Variants in RGS3 observed in about 807,000 individuals in gnomAD.
The protein encoded by RGS3 is regulator of G protein signaling 3, also known as regulator of G-protein signalling 3.
RGS3 carries 80 observed loss-of-function variants against 132.6 expected under a neutral mutation model. The ratio of observed to expected loss-of-function variants is 0.60; its 90% CI spans 0.50 to 0.73. The LOEUF (loss-of-function observed/expected upper bound fraction) is 0.73, where lower values mean the gene tolerates loss of function less well. Ranked by LOEUF, RGS3 falls within the 30% of genes least tolerant of loss-of-function variation. The probability of loss-of-function intolerance (pLI) is 0.00; values close to 1 mark genes in which losing one functional copy is unlikely to be tolerated. For missense variants in RGS3, 1,382 were observed against 1,530.8 expected (o/e 0.90, Z 1.62); for synonymous variants, 598 against 620.6 (o/e 0.96, Z 0.54).
At chr9:113,583,819 A>G in exon 20 of RGS3, 1 of 1,613,942 alleles carries the variant, frequency 6.2e-7, no homozygotes, top group Admixed American at 1.7e-5. Context: ...CCTCCCTGCC[A>G]TCCAGGAATC....
chr9:113,536,191 C>T (rs963052192), intron 18 of RGS3, among the ~76,000 whole-genome samples: 2 of 152,296 alleles, frequency 1.3e-5, no homozygotes, highest in Admixed American at 1.3e-4. Flanking sequence ...GTGAGCTGAA[C>T]AGTCACAGAT....
chr9:113,534,371 T>G (rs538181600), intron 18 of RGS3, among the ~76,000 whole-genome samples: 20 of 152,280 alleles, frequency 1.3e-4, no homozygotes, highest in African/African-American at 4.8e-4. Flanking sequence ...TCCCTCAGTA[T>G]CCACCAAGGA....
At chr9:113,470,203 A>G (rs1000281669) in intron 3 of RGS3, among the ~76,000 whole-genome samples, 2 of 152,128 alleles carry the variant, frequency 1.3e-5, no homozygotes, top group Non-Finnish European at 2.9e-5. Context: ...TTCTTTGTGT[A>G]TTTGAAAAGG....
chr9:113,577,684 C>T (rs566745667), intron 19 of RGS3, among the ~76,000 whole-genome samples: 19 of 152,282 alleles, frequency 1.2e-4, no homozygotes, highest in African/African-American at 3.1e-4. Flanking sequence ...CTTCCTGGCC[C>T]GGGGCTTTGG....
At chr9:113,495,638 A>G in intron 7 of RGS3, 148 bp from the exon 6 acceptor site, 1 of 702,312 alleles carries the variant, frequency 1.4e-6, no homozygotes, top group Non-Finnish European at 2.6e-6. Context: ...ATCCTGCCTC[A>G]CAGAGTCAGA....
intron 19 of RGS3, among the ~76,000 whole-genome samples, chr9:113,559,169 CT>C (rs1200701443): frequency 6.6e-6 from 1 of 152,248 alleles, no homozygotes; most frequent in African/African-American, 2.4e-5. Flanking sequence ...CAGGCCTGGC[CT>C]CCCCGTAGCT....
At chr9:113,509,550 C>T (rs1199431076) in intron 14 of RGS3, among the ~76,000 whole-genome samples, 36 of 152,168 alleles carry the variant, frequency 2.4e-4, no homozygotes, top group Non-Finnish European at 1.5e-5. Flanking sequence ...TTTCTTCTCC[C>T]AGGAAGGCTG....
chr9:113,460,107 T>C, upstream of RGS3: 1 of 493,708 alleles, frequency 2.0e-6, no homozygotes, highest in Non-Finnish European at 2.8e-6. Flanking sequence ...ATTTCTGGTT[T>C]TCTGTATACA....
At chr9:113,469,235 C>G (rs1829748759) in intron 3 of RGS3, among the ~76,000 whole-genome samples, 1 of 152,058 alleles carries the variant, frequency 6.6e-6, no homozygotes. Flanking sequence ...CGGTCAGGCC[C>G]TGAACTGGAG....
chr9:113,550,858 T>C, intron 19 of RGS3, among the ~76,000 whole-genome samples: 2 of 152,342 alleles, frequency 1.3e-5, no homozygotes, highest in East Asian at 3.9e-4. Context: ...GAGCTCTTTA[T>C]ATAATAAGGA....
intron 18 of RGS3, among the ~76,000 whole-genome samples, chr9:113,535,793 G>A (rs1258331602): frequency 6.6e-6 from 1 of 152,140 alleles, no homozygotes; most frequent in Non-Finnish European, 1.5e-5. Context: ...GCCCTTTGGG[G>A]TTATAATCAA....
At chr9:113,573,784 C>A (rs1366853024) in intron 19 of RGS3, among the ~76,000 whole-genome samples, 1 of 152,128 alleles carries the variant, frequency 6.6e-6, no homozygotes, top group East Asian at 1.9e-4. Flanking sequence ...CCGAGCGGGG[C>A]CCCTGCGTCT....
intron 3 of RGS3, chr9:113,478,761 A>G (rs1830070130): frequency 6.6e-6 from 1 of 152,274 alleles, no homozygotes; most frequent in South Asian, 2.1e-4. Flanking sequence ...GTAGTGAGCT[A>G]TGATTGCACG....
At chr9:113,457,739 C>T (rs545889904), upstream of RGS3, among the ~76,000 whole-genome samples, 1 of 152,324 alleles carries the variant, frequency 6.6e-6, no homozygotes, top group South Asian at 2.1e-4. Flanking sequence ...TATATAAATA[C>T]AAATGCTTGA....
At chr9:113,458,861 C>G (rs1010138339), upstream of RGS3, among the ~76,000 whole-genome samples, 1 of 152,206 alleles carries the variant, frequency 6.6e-6, no homozygotes, top group African/African-American at 2.4e-5. Flanking sequence ...AAGTGATTCT[C>G]ATGCCTCAGT....
intron 3 of RGS3, chr9:113,478,827 C>CAA (rs1314020783): frequency 6.6e-6 from 1 of 152,488 alleles, no homozygotes; most frequent in Non-Finnish European, 1.5e-5. Context: ...CAAAACAAAA[C>CAA]AAAACAAAAA....
At position 113,591,130 on chromosome 9, in the gene RGS3, C is replaced by T. The variant is rs1476497413; in HGVS notation, c.3016-203C>T. 6.6e-6 allele frequency among the ~76,000 whole-genome samples: 1 copy of T among 152,166 alleles called. No individual in the cohort carries two copies. Among genetic ancestry groups the T allele is most frequent in the Non-Finnish European group, 1.5e-5 (1 of 68,032 alleles). The stretch of plus-strand genomic sequence containing the variant: ...TGTCCCAGGAGGAGATCCCTGTGGC[C>T]GGAGAGTCTGCCAGGCCGATTCCAC... On this transcript the variant is annotated intron_variant, in intron 20 of 24. Transcript: ENST00000350696. This position sits in a 1 kb window ranked among gnomAD's most constrained non-coding sequence, Gnocchi z 4.4.
chr9:113,460,242 C>T, upstream of RGS3: 1 of 1,189,220 alleles, frequency 8.4e-7, no homozygotes, highest in Non-Finnish European at 1.1e-6. Flanking sequence ...TTCTCCTGGC[C>T]AGGCGCAGTG....
At position 113,483,193 on chromosome 9, in the gene RGS3, A is replaced by G. The variant is rs549585971; in HGVS notation, c.525+76A>G. 8 of 1,018,290 alleles carry G rather than the reference A, an allele frequency of 7.9e-6. No homozygotes were observed. The African/African-American group carries it at 1.3e-4, about 16-fold the overall frequency. The allele number at this position is 1,018,290 out of a possible 1,614,324, so 63.1% of individuals were successfully genotyped here. A position where few individuals can be genotyped will look rare whatever the true frequency, so the allele number is the denominator to read the frequency against. On this transcript the variant is annotated intron_variant, in intron 5 of 24. Coordinates refer to ENST00000350696, the Ensembl canonical transcript of RGS3. ...CTGGGCTCAGTCCCAAGGTCCCAGC[A>G]CACCTGTGGGGCTGGTGACCTTTGA...
Sources: allele counts gnomAD v4.1 joint callset (sites outside exome capture counted in the v4.1 genomes callset), GRCh38; gene constraint gnomAD v4.1.1; non-coding constraint Gnocchi (gnomAD v3.1); transcripts MANE v1.5; gene names NCBI Gene and HGNC (gene_info 2026-07-23, HGNC 2026-07-21).